The following PDHX variants were observed in gnomAD, a reference collection of about 807,000 sequenced individuals.
The protein encoded by PDHX is pyruvate dehydrogenase protein X component, mitochondrial.
Under a neutral mutation model 55.3 loss-of-function variants are expected in PDHX, and 33 were observed. The ratio of observed to expected loss-of-function variants is 0.60; its 90% confidence interval spans 0.45 to 0.80. PDHX has a LOEUF of 0.80. PDHX is among the 30% of genes least tolerant of loss of function. PDHX has a pLI of 0.00. For missense variants in PDHX, 622 were observed against 619.9 expected, an observed-to-expected ratio of 1.00 and a Z score of -0.04; for synonymous variants, 226 against 219.4, an observed-to-expected ratio of 1.03 and a Z score of -0.27.
intron 10 of PDHX, 140 bp downstream of exon 10, chr11:34,992,519 GA>G (rs1855776211): frequency 3.4e-6 from 2 of 591,794 alleles, no homozygotes; most frequent in South Asian, 2.0e-5. Context: ...TAGAATATCT[GA>G]AAAAATTCTT....
intron 4 of PDHX, 50 bp downstream of exon 4, chr11:34,957,633 A>G: frequency 7.1e-7 from 1 of 1,399,960 alleles, no homozygotes; most frequent in Non-Finnish European, 1.0e-6. Context: ...AAGTTATGGC[A>G]GTTCTTATGG....
intron 7 of PDHX, among the ~76,000 whole-genome samples, chr11:34,973,073 T>G (rs1428231497): frequency 6.6e-6 from 1 of 152,210 alleles, no homozygotes; most frequent in African/African-American, 2.4e-5. Flanking sequence ...TTGTGGTTTC[T>G]CCTTTCAGCT....
chr11:34,916,203 C>G, upstream of PDHX: 1 of 1,603,888 alleles, frequency 6.2e-7, no homozygotes, highest in Non-Finnish European at 8.5e-7. Flanking sequence ...CTGGGAATAC[C>G]GGGCACCGGT....
chr11:34,918,150 A>G (rs1046234242), intron 1 of PDHX, among the ~76,000 whole-genome samples: 2 of 152,166 alleles, frequency 1.3e-5, no homozygotes, highest in South Asian at 2.1e-4. Flanking sequence ...ATGGTCACAC[A>G]CAAAAATGTG....
intron 2 of PDHX, among the ~76,000 whole-genome samples, chr11:34,933,061 A>G (rs139689281): frequency 1.5e-4 from 23 of 152,228 alleles, no homozygotes; most frequent in African/African-American, 5.3e-4. Flanking sequence ...AAAAACAACA[A>G]TAGTTGGTTA....
At position 34,950,935 on chromosome 11, in the gene PDHX, C is replaced by A. The variant is rs1402422604; in HGVS notation, c.342+3329C>A. On this transcript the variant is annotated intron_variant, in intron 3 of 10. Coordinates refer to ENST00000227868, the MANE Select transcript of PDHX (RefSeq NM_003477.3). ...CAAATGGTATTTCTAGTTCTAGATC[C>A]CTGAGGAATCGCCACACTGACTTCC... is the stretch of plus-strand genomic sequence containing the variant. 5.1e-4 allele frequency among the ~76,000 whole-genome samples: 76 copies of A among 150,484 alleles called. 1 individual carries two copies. The highest frequency in any genetic ancestry group is 1.8e-3 in the African/African-American group (73 of 41,028).
chr11:34,941,773 C>A (rs76255719), intron 2 of PDHX: 2,475 of 154,484 alleles, frequency 0.016, 62 homozygotes, highest in African/African-American at 0.055. Flanking sequence ...GAAAGGGAAG[C>A]CTCCGTATAC....
At chr11:34,994,811 G>A (rs1259803359) in intron 10 of PDHX, 103 bp from the exon 11 acceptor site, 10 of 1,231,538 alleles carry the variant, frequency 8.1e-6, no homozygotes, top group East Asian at 2.4e-5. Context: ...TTTTTTTCTT[G>A]CCTTACTACA....
chr11:34,929,437 C>T (rs1394037333), intron 1 of PDHX, among the ~76,000 whole-genome samples: 1 of 152,180 alleles, frequency 6.6e-6, no homozygotes, highest in Non-Finnish European at 1.5e-5. Context: ...CCATGTTGGC[C>T]AGGCTGGTCT....
At chr11:34,921,373 A>C (rs995861534) in intron 1 of PDHX, among the ~76,000 whole-genome samples, 1 of 152,064 alleles carries the variant, frequency 6.6e-6, no homozygotes, top group African/African-American at 2.4e-5. Context: ...TTTATGCACG[A>C]TGCGCTGTCA....
At chr11:34,974,519 G>A (rs374454650) in intron 7 of PDHX, among the ~76,000 whole-genome samples, 27 of 152,190 alleles carry the variant, frequency 1.8e-4, no homozygotes, top group African/African-American at 6.5e-4. Context: ...AATATTTTAG[G>A]TATATCCCCA....
intron 2 of PDHX, among the ~76,000 whole-genome samples, chr11:34,941,251 A>C (rs554659089): frequency 6.6e-6 from 1 of 152,304 alleles, no homozygotes; most frequent in African/African-American, 2.4e-5. Context: ...TGAAGTGAAA[A>C]GGGATGACAA....
rs78799653 is a variant in PDHX, at chr11:34,985,160, C to T, written c.1182+432C>T. ...AATTGAGACCATTAAAAGAACTTAG[C>T]GGCCAGGCGCGGTGTCTCACGCCTG... On this transcript the variant is annotated intron_variant, in intron 9 of 10. Transcript: ENST00000227868. Among the ~76,000 whole-genome samples the T allele has an allele frequency of 7.4e-3, 1,128 of 152,222 alleles. 17 individuals carry two copies. The highest frequency in any genetic ancestry group is 0.026 in the African/African-American group (1,082 of 41,542).
rs1300823438 is a variant in PDHX at position 34,919,234 on chromosome 11, C to G, written c.160+2419C>G. Among the ~76,000 whole-genome samples the G allele has an allele frequency of 2.0e-5, 3 of 152,068 alleles. No homozygotes were observed. In the East Asian group the frequency reaches 5.8e-4, roughly 29 times the overall value. ...ACCTACATACAGATTTTTGTTTTGCCATGCCGAAAACACGTGGCAATCCTT... is the reference window on the plus strand; with the variant it reads ...ACCTACATACAGATTTTTGTTTTGCGATGCCGAAAACACGTGGCAATCCTT... On this transcript the variant is annotated intron_variant, in intron 1 of 10. Coordinates refer to ENST00000227868, the MANE Select transcript of PDHX (RefSeq NM_003477.3).
rs1233819545 is a variant in PDHX, at chr11:34,995,644, T to G, written c.*472T>G. The G allele has an allele frequency of 4.9e-6, 1 of 204,322 alleles. No homozygotes were observed. Among genetic ancestry groups the G allele is most frequent in the Non-Finnish European group, 1.0e-5 (1 of 99,838 alleles). The allele number at this position is 204,322 out of a possible 1,614,324, so 12.7% of individuals were successfully genotyped here. A position where few individuals can be genotyped will look rare whatever the true frequency, so the allele number is the denominator to read the frequency against. ...TTACAAGCACTGCTCTAGATATACT[T>G]GAAGAATTTAATAGGTACAGAAGTT... On this transcript the variant is annotated 3_prime_UTR_variant, in exon 11 of 11. Coordinates refer to ENST00000227868, the MANE Select transcript of PDHX (RefSeq NM_003477.3).
At chr11:34,949,520 A>G (rs1376255295) in intron 3 of PDHX, among the ~76,000 whole-genome samples, 2 of 152,202 alleles carry the variant, frequency 1.3e-5, no homozygotes, top group Non-Finnish European at 2.9e-5. Flanking sequence ...TATAGGCGTG[A>G]ACCACCATGC....
At chr11:34,956,537 A>T (rs1049880659) in intron 3 of PDHX, among the ~76,000 whole-genome samples, 2 of 152,120 alleles carry the variant, frequency 1.3e-5, no homozygotes, top group African/African-American at 4.8e-5. Context: ...TGAACTTATA[A>T]AATATTGTTA....
intron 9 of PDHX, among the ~76,000 whole-genome samples, chr11:34,989,639 C>T (rs1855719546): frequency 1.3e-5 from 2 of 152,154 alleles, no homozygotes; most frequent in East Asian, 1.9e-4. Flanking sequence ...TCCCTCTGAT[C>T]GTCACTTGGC....
chr11:34,980,348 G>GTTTGTTTTTTTTTTT (rs1319243948), intron 8 of PDHX, among the ~76,000 whole-genome samples: 1 of 30,486 alleles, frequency 3.3e-5, no homozygotes, highest in African/African-American at 1.2e-4. Flanking sequence ...GTTTAAGATA[G>GTTTGTTTTTTTTTTT]TTTCTTTTTT....
Sources: allele counts gnomAD v4.1 joint callset (sites outside exome capture counted in the v4.1 genomes callset), GRCh38; gene constraint gnomAD v4.1.1; transcripts MANE v1.5; gene names NCBI Gene and HGNC (gene_info 2026-07-23, HGNC 2026-07-21).